Variants in EBF1 observed in about 807,000 individuals in gnomAD.
EBF1 encodes the protein transcription factor COE1.
A neutral mutation model predicts 68.4 loss-of-function variants in EBF1; 10 were observed. The ratio of observed to expected loss-of-function variants is 0.15; its 90% CI spans 0.09 to 0.25. EBF1 has a LOEUF of 0.25. EBF1 is among the 10% of genes least tolerant of loss of function. The pLI, the probability that EBF1 is intolerant of heterozygous loss-of-function variation, is 1.00. For missense variants in EBF1, 509 were observed against 794.4 expected (o/e 0.64, Z 4.32); for synonymous variants, 298 against 299.8 (o/e 0.99, Z 0.06).
intron 6 of EBF1, among the ~76,000 whole-genome samples, chr5:158,881,833 A>G (rs1203174235): frequency 6.6e-6 from 1 of 152,168 alleles, no homozygotes; most frequent in Non-Finnish European, 1.5e-5. Context: ...ACTGCACCCC[A>G]ACCAGCAATG....
At chr5:158,760,652 C>T (rs1436956776) in intron 10 of EBF1, among the ~76,000 whole-genome samples, 3 of 152,038 alleles carry the variant, frequency 2.0e-5, no homozygotes, top group Admixed American at 6.6e-5. Flanking sequence ...AAATAATGAG[C>T]GAAGGAATGC....
chr5:158,994,656 G>A (rs1221805241), intron 6 of EBF1, among the ~76,000 whole-genome samples: 1 of 152,174 alleles, frequency 6.6e-6, no homozygotes, highest in Non-Finnish European at 1.5e-5. Context: ...GAGAGTGACT[G>A]ATCTTGCATT....
At chr5:158,890,440 C>A (rs1800947567) in intron 6 of EBF1, among the ~76,000 whole-genome samples, 1 of 152,200 alleles carries the variant, frequency 6.6e-6, no homozygotes, top group African/African-American at 2.4e-5. Flanking sequence ...GCAAACTTCT[C>A]AACGAGCTCC....
intron 6 of EBF1, among the ~76,000 whole-genome samples, chr5:158,896,430 C>T (rs1221184177): frequency 1.3e-5 from 2 of 152,114 alleles, no homozygotes; most frequent in African/African-American, 4.8e-5. Context: ...TAATAGTAAT[C>T]GCTACCATTT....
chr5:159,080,749 C>T (rs558453765), intron 5 of EBF1, among the ~76,000 whole-genome samples: 1 of 152,318 alleles, frequency 6.6e-6, no homozygotes, highest in Non-Finnish European at 1.5e-5. Context: ...TCACCAACTT[C>T]TGAGATAAGT....
intron 6 of EBF1, among the ~76,000 whole-genome samples, chr5:159,021,980 C>T (rs748402990): frequency 1.4e-5 from 2 of 146,398 alleles, no homozygotes; most frequent in Non-Finnish European, 3.0e-5. Context: ...GTGTTGGATA[C>T]ACTCGAGTGT....
chr5:158,865,537 T>C (rs1262248811), intron 6 of EBF1, among the ~76,000 whole-genome samples: 1 of 152,246 alleles, frequency 6.6e-6, no homozygotes, highest in Non-Finnish European at 1.5e-5. Flanking sequence ...AATTTGATGA[T>C]GATGATAATG....
rs908624241 is a variant in EBF1 at position 158,697,170 on chromosome 5, T to C, written c.*1941A>G. ...AAGGGAGAGATTCCATGCATATTAA[T>C]AGAGTAAAACAGCATTAGGGTTGTT... On this transcript the variant is annotated 3_prime_UTR_variant, in exon 16 of 16. Coordinates refer to ENST00000313708, the MANE Select transcript of EBF1 (RefSeq NM_024007.5). 1 of 193,956 alleles carries C rather than the reference T, an allele frequency of 5.2e-6. No homozygotes were observed. The highest frequency in any genetic ancestry group is 2.3e-5 in the African/African-American group (1 of 43,112). The allele number at this position is 193,956 out of a possible 1,614,324, so 12.0% of individuals were successfully genotyped here. A position where few individuals can be genotyped will look rare whatever the true frequency, so the allele number is the denominator to read the frequency against.
chr5:158,859,616 C>G (rs1794636304), intron 6 of EBF1, among the ~76,000 whole-genome samples: 1 of 152,184 alleles, frequency 6.6e-6, no homozygotes, highest in Non-Finnish European at 1.5e-5. Flanking sequence ...TCACTTGTAC[C>G]TCCAAAGCTG....
chr5:159,041,203 A>T (rs1389036081), intron 6 of EBF1, among the ~76,000 whole-genome samples: 2 of 152,234 alleles, frequency 1.3e-5, no homozygotes, highest in Non-Finnish European at 2.9e-5. Context: ...AATTCCAATT[A>T]TGCTGAATCT....
intron 8 of EBF1, among the ~76,000 whole-genome samples, chr5:158,806,086 T>TGC (rs1399456341): frequency 6.6e-6 from 1 of 152,046 alleles, no homozygotes; most frequent in Admixed American, 6.6e-5. Flanking sequence ...AGTGAAGTCA[T>TGC]TTATTGATCA....
chr5:159,096,210 G>A, intron 3 of EBF1, 133 bp downstream of exon 3: 4 of 973,054 alleles, frequency 4.1e-6, no homozygotes, highest in Non-Finnish European at 6.0e-6. Context: ...CGAAATTTAG[G>A]AGAGGCTGGT....
intron 6 of EBF1, among the ~76,000 whole-genome samples, chr5:158,883,899 C>T (rs1799467062): frequency 6.6e-6 from 1 of 152,174 alleles, no homozygotes; most frequent in Non-Finnish European, 1.5e-5. Flanking sequence ...ATACTACTAA[C>T]AAGGCAGAAA....
At position 158,712,343 on chromosome 5, in the gene EBF1, G is replaced by A. The variant is rs1336071328; in HGVS notation, c.1370-10C>T. On this transcript the variant is annotated splice_polypyrimidine_tract_variant and intron_variant, in intron 13 of 15. Transcript: ENST00000313708. ...GAGTTGCGGGTGAAACCTGAGGGGCGGGGGCAAAACCGGAGGTGAGGGTGG... is the reference window on the plus strand; with the variant it reads ...GAGTTGCGGGTGAAACCTGAGGGGCAGGGGCAAAACCGGAGGTGAGGGTGG... The A allele has an allele frequency of 3.7e-6, 6 of 1,612,740 alleles. No homozygotes were observed. The highest frequency in any genetic ancestry group is 3.3e-5 in the Admixed American group (2 of 59,910).
intron 11 of EBF1, among the ~76,000 whole-genome samples, chr5:158,720,793 G>A (rs62386870): frequency 0.053 from 8,079 of 152,196 alleles, 309 homozygotes; most frequent in Non-Finnish European, 0.081. Context: ...GAAATGGAAA[G>A]GAGGAACATA....
Position 158,863,823 on chromosome 5 carries a change from T to C in EBF1, c.555-23713A>G, listed in dbSNP as rs560950142. ...ACTCAAACCTTTTTCTTTGGTGTGC[T>C]CTAAACATATTTTACGTAAATGATG... On this transcript the variant is annotated intron_variant, in intron 6 of 15. Transcript: ENST00000313708. Among the ~76,000 whole-genome samples, 3 of 152,316 alleles carry C rather than the reference T, an allele frequency of 2.0e-5. No homozygotes were observed. In the South Asian group the frequency reaches 6.2e-4, roughly 32 times the overall value.
intron 12 of EBF1, 134 bp downstream of exon 12, chr5:158,713,983 A>G: frequency 2.4e-6 from 2 of 828,380 alleles, no homozygotes; most frequent in South Asian, 1.8e-5. Flanking sequence ...GCAACATGTT[A>G]TATCTGAATT....
intron 1 of EBF1, 27 bp from the exon 2 acceptor site, chr5:159,097,157 G>C (rs1272865576): frequency 2.0e-5 from 32 of 1,606,798 alleles, no homozygotes; most frequent in Non-Finnish European, 2.7e-5. Context: ...AGAGTTAGAT[G>C]GCTAAACCGG....
chr5:158,957,407 T>A (rs1382341208), intron 6 of EBF1, among the ~76,000 whole-genome samples: 1 of 152,218 alleles, frequency 6.6e-6, no homozygotes, highest in Non-Finnish European at 1.5e-5. Context: ...AGGAACCAAA[T>A]CTGTTTTGTT....
Sources: gnomAD v4.1 joint callset for allele counts (sites outside exome capture counted in the v4.1 genomes callset) on GRCh38, gnomAD v4.1.1 for gene constraint, MANE v1.5 for transcripts, NCBI Gene and HGNC (gene_info 2026-07-23, HGNC 2026-07-21) for gene names.